Variants in SLC44A5 observed in about 807,000 individuals in gnomAD.
The protein encoded by SLC44A5 is choline transporter-like protein 5.
Under a neutral mutation model 101.8 loss-of-function variants are expected in SLC44A5, and 57 were observed. The observed-to-expected ratio is 0.56, with a 90% CI of 0.45 to 0.70. The LOEUF (loss-of-function observed/expected upper bound fraction) is 0.70. SLC44A5 is among the 30% of genes least tolerant of loss of function. The probability of loss-of-function intolerance (pLI) is 0.00; values close to 1 mark genes in which losing one functional copy is unlikely to be tolerated. For synonymous variants in SLC44A5, 281 were observed against 290.9 expected (o/e 0.97, Z 0.35); for missense variants, 737 against 853.1 (o/e 0.86, Z 1.70).
At chr1:75,254,478 A>C (rs1168769221) in intron 6 of SLC44A5, among the ~76,000 whole-genome samples, 2 of 152,162 alleles carry the variant, frequency 1.3e-5, no homozygotes, top group African/African-American at 2.4e-5. Context: ...ATAGCAAACT[A>C]CTAGTTCCAG....
At chr1:75,335,677 C>A (rs1393395291) in intron 4 of SLC44A5, among the ~76,000 whole-genome samples, 3 of 152,176 alleles carry the variant, frequency 2.0e-5, no homozygotes, top group Non-Finnish European at 4.4e-5. Context: ...TATCATCAAG[C>A]CTTGCTGGAC....
intron 2 of SLC44A5, among the ~76,000 whole-genome samples, chr1:75,513,345 G>T (rs1669661486): frequency 6.6e-6 from 1 of 152,110 alleles, no homozygotes. Flanking sequence ...GCAGTCACTT[G>T]GCTTCTCAAA....
At chr1:75,279,884 T>C (rs186988510) in intron 5 of SLC44A5, among the ~76,000 whole-genome samples, 1 of 151,858 alleles carries the variant, frequency 6.6e-6, no homozygotes. Flanking sequence ...CAATGTGTAG[T>C]ATTTTGTCTC....
chr1:75,643,884 T>C, the SLC44A5 span, among the ~76,000 whole-genome samples: 36 of 152,296 alleles, frequency 2.4e-4, 1 homozygote, highest in African/African-American at 7.9e-4. Flanking sequence ...ACTGAAACAG[T>C]AATGTGAGTA....
intron 1 of SLC44A5, among the ~76,000 whole-genome samples, chr1:75,581,622 C>T (rs1673702915): frequency 6.6e-6 from 1 of 152,058 alleles, no homozygotes; most frequent in South Asian, 2.1e-4. Flanking sequence ...CACTTGATCC[C>T]AGGTAGTACT....
At chr1:75,637,798 G>C in the SLC44A5 span, among the ~76,000 whole-genome samples, 1 of 151,840 alleles carries the variant, frequency 6.6e-6, no homozygotes, top group Non-Finnish European at 1.5e-5. Flanking sequence ...ATTTTATTGG[G>C]AAAATTTATA....
chr1:75,544,223 C>A lies in SLC44A5; in HGVS notation c.-69-2707G>T, dbSNP rs188186222. Among the ~76,000 whole-genome samples the A allele has an allele frequency of 3.8e-4, 58 of 152,232 alleles. 1 individual carries two copies. Among genetic ancestry groups the A allele is most frequent in the Non-Finnish European group, 6.9e-4 (47 of 68,016 alleles). On this transcript the variant is annotated intron_variant, in intron 1 of 23. Coordinates refer to ENST00000370859, the MANE Select transcript of SLC44A5 (RefSeq NM_001130058.2). ...CCGATTTGTTGCTTACTTTCTCCCC[C>A]TCTCTTTGCCCTTCCACCATGTGAT...
At chr1:75,567,463 G>A (rs1672848012) in intron 1 of SLC44A5, among the ~76,000 whole-genome samples, 1 of 152,158 alleles carries the variant, frequency 6.6e-6, no homozygotes, top group Non-Finnish European at 1.5e-5. Flanking sequence ...TGAGATTAGA[G>A]TATATGAAAG....
At chr1:75,689,234 T>C in the SLC44A5 span, among the ~76,000 whole-genome samples, 2 of 152,282 alleles carry the variant, frequency 1.3e-5, no homozygotes, top group East Asian at 3.9e-4. Flanking sequence ...CATCCTTGTA[T>C]GCAGTCCACT....
chr1:75,523,604 GAGCCACCATCCCC>G (rs1293720842), intron 2 of SLC44A5, among the ~76,000 whole-genome samples: 1 of 152,054 alleles, frequency 6.6e-6, no homozygotes, highest in Non-Finnish European at 1.5e-5. Context: ...TTACAGGCGT[GAGCCACCATCCCC>G]AGCCTAAACA....
At chr1:75,625,491 T>C in the SLC44A5 span, among the ~76,000 whole-genome samples, 876 of 152,294 alleles carry the variant, frequency 5.8e-3, 9 homozygotes, top group African/African-American at 0.02. Context: ...AGGAATTAAA[T>C]ATTCATTGGT....
intron 4 of SLC44A5, among the ~76,000 whole-genome samples, chr1:75,322,136 C>T (rs972179311): frequency 6.6e-6 from 1 of 152,060 alleles, no homozygotes; most frequent in African/African-American, 2.4e-5. Flanking sequence ...AATGGCAAAA[C>T]TCCATCTCTA....
intron 2 of SLC44A5, among the ~76,000 whole-genome samples, chr1:75,472,338 T>C (rs1453281352): frequency 6.6e-6 from 1 of 152,152 alleles, no homozygotes; most frequent in Non-Finnish European, 1.5e-5. Flanking sequence ...TTGAAATGCA[T>C]AGCTGTTTAG....
chr1:75,630,940 G>A, the SLC44A5 span, among the ~76,000 whole-genome samples: 48 of 144,670 alleles, frequency 3.3e-4, no homozygotes, highest in African/African-American at 1.1e-3. Context: ...TCGCCTATCC[G>A]GGGAGCCATA....
At chr1:75,389,005 A>G (rs918166313) in intron 3 of SLC44A5, among the ~76,000 whole-genome samples, 1 of 152,192 alleles carries the variant, frequency 6.6e-6, no homozygotes, top group Non-Finnish European at 1.5e-5. Flanking sequence ...AATAAACAGG[A>G]AATGAAAAAG....
intron 13 of SLC44A5, among the ~76,000 whole-genome samples, chr1:75,225,258 G>A (rs1217541341): frequency 1.3e-5 from 2 of 152,176 alleles, no homozygotes; most frequent in Admixed American, 6.5e-5. Context: ...TGCTGTATGG[G>A]TTTGTAGACT....
chr1:75,488,009 C>T (rs1469318873), intron 2 of SLC44A5, among the ~76,000 whole-genome samples: 1 of 151,778 alleles, frequency 6.6e-6, no homozygotes, highest in Non-Finnish European at 1.5e-5. Flanking sequence ...GTGAACTGCA[C>T]ATGCAGGGGA....
chr1:75,524,891 T>C (rs552739049), intron 2 of SLC44A5, among the ~76,000 whole-genome samples: 1 of 152,124 alleles, frequency 6.6e-6, no homozygotes, highest in Non-Finnish European at 1.5e-5. Flanking sequence ...TCACTGGCTG[T>C]TGAAATTACA....
intron 2 of SLC44A5, among the ~76,000 whole-genome samples, chr1:75,477,347 C>T (rs140836450): frequency 1.7e-3 from 258 of 152,298 alleles, no homozygotes; most frequent in African/African-American, 5.8e-3. Flanking sequence ...AAGCAGAGCG[C>T]CTCTCCTCCT....
Sources: allele counts gnomAD v4.1 joint callset (sites outside exome capture counted in the v4.1 genomes callset), GRCh38; gene constraint gnomAD v4.1.1; transcripts MANE v1.5; gene names NCBI Gene and HGNC (gene_info 2026-07-23, HGNC 2026-07-21).